NEK11: variants seen among roughly 807,000 people sequenced by gnomAD.
NEK11 encodes NIMA related kinase 11.
A neutral mutation model predicts 80.7 loss-of-function variants in NEK11; 72 were observed. The observed-to-expected ratio is 0.89, with a 90% CI of 0.74 to 1.08. The LOEUF (loss-of-function observed/expected upper bound fraction) is 1.08, where lower values mean the gene tolerates loss of function less well. Ranked by LOEUF, NEK11 falls within the 50% of genes least tolerant of loss-of-function variation. NEK11 has a pLI of 0.00. For missense variants in NEK11, 764 were observed against 763.6 expected, an observed-to-expected ratio of 1.00 and a Z score of -0.01; for synonymous variants, 251 against 260.7, an observed-to-expected ratio of 0.96 and a Z score of 0.36.
chr3:131,254,955 G>T (rs1407426226), intron 16 of NEK11, among the ~76,000 whole-genome samples: 1 of 151,928 alleles, frequency 6.6e-6, no homozygotes, highest in Non-Finnish European at 1.5e-5. Flanking sequence ...AAGAGGTGGA[G>T]GTTGCAGCAA....
intron 5 of NEK11, among the ~76,000 whole-genome samples, chr3:131,113,419 T>C (rs144028123): frequency 6.6e-6 from 1 of 152,104 alleles, no homozygotes; most frequent in African/African-American, 2.4e-5. Flanking sequence ...AGGGTACAAA[T>C]AGAGTTTTAG....
chr3:131,033,921 G>A (rs1384349492), intron 3 of NEK11, among the ~76,000 whole-genome samples: 1 of 152,034 alleles, frequency 6.6e-6, no homozygotes, highest in East Asian at 1.9e-4. Context: ...ATGAGATAGA[G>A]GTTTTTCCTT....
intron 6 of NEK11, chr3:131,133,202 A>G: frequency 2.2e-6 from 1 of 452,482 alleles, no homozygotes; most frequent in Non-Finnish European, 4.4e-6. Flanking sequence ...ATAAGTGGTT[A>G]TAGATAATGA....
chr3:131,242,498 A>T (rs796726093), intron 15 of NEK11, among the ~76,000 whole-genome samples: 6 of 152,284 alleles, frequency 3.9e-5, no homozygotes, highest in African/African-American at 1.4e-4. Flanking sequence ...AAAAGTTCCA[A>T]TCAGCAGCAT....
chr3:131,193,521 C>T (rs2093883169), intron 14 of NEK11, among the ~76,000 whole-genome samples: 3 of 151,926 alleles, frequency 2.0e-5, no homozygotes, highest in Admixed American at 2.0e-4. Context: ...TTTTAATAAA[C>T]TGGAAAAGGA....
At chr3:131,097,863 A>G (rs1215547114) in intron 4 of NEK11, among the ~76,000 whole-genome samples, 2 of 144,302 alleles carry the variant, frequency 1.4e-5, no homozygotes, top group Admixed American at 7.0e-5. Flanking sequence ...ATCCTAAGCC[A>G]AAAGAACAAA....
At chr3:131,156,753 C>A (rs1157453924) in intron 10 of NEK11, among the ~76,000 whole-genome samples, 1 of 152,144 alleles carries the variant, frequency 6.6e-6, no homozygotes, top group Non-Finnish European at 1.5e-5. Context: ...CATAGAGTTG[C>A]TCTGCATTTA....
chr3:131,140,275 C>G (rs1289041166), intron 7 of NEK11, among the ~76,000 whole-genome samples: 1 of 152,064 alleles, frequency 6.6e-6, no homozygotes, highest in Non-Finnish European at 1.5e-5. Flanking sequence ...TGTGAGGAAG[C>G]CTGAGTGGCA....
chr3:131,101,229 A>T (rs1179458156), intron 4 of NEK11, among the ~76,000 whole-genome samples: 1 of 151,718 alleles, frequency 6.6e-6, no homozygotes, highest in Non-Finnish European at 1.5e-5. Context: ...TCTGAGTTTC[A>T]TTCAGTTCTT....
chr3:131,139,900 G>A (rs2086497769), intron 7 of NEK11, among the ~76,000 whole-genome samples: 1 of 152,168 alleles, frequency 6.6e-6, no homozygotes, highest in African/African-American at 2.4e-5. Context: ...CAGGGGCGAG[G>A]AAAGAGTGTG....
chr3:131,112,099 A>G (rs1292036379), intron 5 of NEK11, among the ~76,000 whole-genome samples: 1 of 152,206 alleles, frequency 6.6e-6, no homozygotes, highest in African/African-American at 2.4e-5. Context: ...ATGAGTGCTG[A>G]TGTCCAACAA....
intron 3 of NEK11, among the ~76,000 whole-genome samples, chr3:131,044,295 C>T (rs1287454150): frequency 6.6e-6 from 1 of 152,030 alleles, no homozygotes; most frequent in Middle Eastern, 3.4e-3. Context: ...TTAAAAGGCA[C>T]AGACTGGCAA....
intron 17 of NEK11, among the ~76,000 whole-genome samples, chr3:131,334,673 C>T (rs1054706637): frequency 6.6e-6 from 1 of 151,922 alleles, no homozygotes; most frequent in African/African-American, 2.4e-5. Flanking sequence ...ATTAATGAAT[C>T]CAGGAGCTGG....
At chr3:131,041,118 G>A (rs909008027) in intron 3 of NEK11, among the ~76,000 whole-genome samples, 3 of 152,130 alleles carry the variant, frequency 2.0e-5, no homozygotes, top group Non-Finnish European at 4.4e-5. Flanking sequence ...TGCAATATTG[G>A]ATTTGCTATT....
At chr3:131,177,815 A>C (rs1425798302) in intron 14 of NEK11, among the ~76,000 whole-genome samples, 1 of 152,162 alleles carries the variant, frequency 6.6e-6, no homozygotes, top group Non-Finnish European at 1.5e-5. Context: ...CATACAAAAA[A>C]CCTATTCAAA....
At chr3:131,152,174 T>A (rs545095320) in intron 7 of NEK11, among the ~76,000 whole-genome samples, 4 of 152,224 alleles carry the variant, frequency 2.6e-5, no homozygotes, top group Non-Finnish European at 4.4e-5. Context: ...TCAGACTTAC[T>A]TTTGTGCTTT....
intron 5 of NEK11, among the ~76,000 whole-genome samples, chr3:131,130,884 C>G (rs766534494): frequency 4.7e-4 from 72 of 152,140 alleles, no homozygotes; most frequent in Non-Finnish European, 9.0e-4. Context: ...TCACTGCTAC[C>G]TCTGTCTCCC....
chr3:131,148,157 G>A (rs552452414), intron 7 of NEK11, among the ~76,000 whole-genome samples: 3 of 151,676 alleles, frequency 2.0e-5, no homozygotes, highest in African/African-American at 7.2e-5. Context: ...TCTATAATGA[G>A]ATATATTTTG....
intron 14 of NEK11, among the ~76,000 whole-genome samples, chr3:131,226,675 G>A (rs1483165595): frequency 1.3e-5 from 2 of 152,092 alleles, no homozygotes; most frequent in African/African-American, 4.8e-5. Flanking sequence ...TGGAGACTCA[G>A]AAGGGAGGAG....
Sources: allele counts gnomAD v4.1 joint callset (sites outside exome capture counted in the v4.1 genomes callset), GRCh38; gene constraint gnomAD v4.1.1; transcripts MANE v1.5; gene names NCBI Gene and HGNC (gene_info 2026-07-23, HGNC 2026-07-21).